The following USP13 variants were observed in gnomAD, a reference collection of about 807,000 sequenced individuals.
USP13 encodes the protein ubiquitin carboxyl-terminal hydrolase 13.
In USP13, 68 loss-of-function variants were observed where a neutral mutation model predicts 107.8. That is an observed-to-expected ratio of 0.63 (90% CI 0.52 to 0.77). The LOEUF (loss-of-function observed/expected upper bound fraction) is 0.77, where lower values mean the gene tolerates loss of function less well. USP13 is among the 30% of genes least tolerant of loss of function. The probability of loss-of-function intolerance (pLI) is 0.00; values close to 1 mark genes in which losing one functional copy is unlikely to be tolerated. For synonymous variants in USP13, 377 were observed against 389.5 expected (o/e 0.97, Z 0.38); for missense variants, 945 against 1,093.3 (o/e 0.86, Z 1.91).
intron 16 of USP13, 40 bp downstream of exon 16, chr3:179,757,118 G>A (rs368742197): frequency 1.2e-6 from 2 of 1,600,540 alleles, no homozygotes; most frequent in East Asian, 2.2e-5. Context: ...TCCTACTGTT[G>A]TTATTAATCT....
chr3:179,669,758 G>T (rs67811992), intron 1 of USP13, among the ~76,000 whole-genome samples: 28,852 of 152,142 alleles, frequency 0.19, 2,917 homozygotes, highest in African/African-American at 0.26. Flanking sequence ...ATTTAAATAT[G>T]CACATGTGGC....
intron 19 of USP13, among the ~76,000 whole-genome samples, chr3:179,766,415 T>C (rs138919768): frequency 4.6e-5 from 7 of 152,318 alleles, no homozygotes; most frequent in African/African-American, 1.7e-4. Context: ...GTCTGTTCCT[T>C]TGAGGTAAAA....
rs1256014029 is a variant in USP13, at chr3:179,742,293, G to T, written c.1477G>T (p.Glu493Ter). Residue 493 changes from glutamate to a stop codon, truncating the protein, a stop_gained, in exon 12 of 21, where the codon GAG (glutamate) becomes TAG (stop). Coordinates refer to ENST00000263966, the MANE Select transcript of USP13 (RefSeq NM_003940.3). LOFTEE classifies it high-confidence loss of function. This position sits in a 1 kb window ranked among gnomAD's most constrained non-coding sequence, Gnocchi z 5.0. ...CCQTRKVRYTERVDYLMQLPV... is the reference protein window; with the variant it reads ...CCQTRKVRYT Reference sequence around the variant, plus strand: ...TCAGACCCGGAAAGTCCGCTACACGGAGAGGGTGGATTACCTGATGCAGTT... The same window carrying T: ...TCAGACCCGGAAAGTCCGCTACACGTAGAGGGTGGATTACCTGATGCAGTT... 6.2e-7 allele frequency: 1 copy of T among 1,614,254 alleles called. No homozygotes were observed. The highest frequency in any genetic ancestry group is 8.5e-7 in the Non-Finnish European group (1 of 1,180,052).
chr3:179,672,591 C>T (rs900246143), intron 1 of USP13, among the ~76,000 whole-genome samples: 1 of 151,990 alleles, frequency 6.6e-6, no homozygotes, highest in Non-Finnish European at 1.5e-5. Flanking sequence ...TACCACTATT[C>T]CCGGCTAATT....
At chr3:179,686,351 G>A (rs1711873284) in intron 2 of USP13, among the ~76,000 whole-genome samples, 1 of 152,348 alleles carries the variant, frequency 6.6e-6, no homozygotes, top group South Asian at 2.1e-4. Context: ...GGAGGCCAAG[G>A]TGGGAGCCTG....
intron 1 of USP13, among the ~76,000 whole-genome samples, chr3:179,659,113 G>A (rs181202575): frequency 1.1e-3 from 172 of 152,266 alleles, no homozygotes; most frequent in African/African-American, 4.0e-3. Context: ...CGGTGATATT[G>A]AGATGTCACT....
In USP13 at chr3:179,730,209, GAAT is replaced by G. The variant is rs1179153203; in HGVS notation, c.1111_1113del (p.Ile371del). 1 of 1,613,484 alleles carries G rather than the reference GAAT, an allele frequency of 6.2e-7. No individual in the cohort carries two copies. Among genetic ancestry groups the G allele is most frequent in the East Asian group, 2.2e-5 (1 of 44,846 alleles). On this transcript the variant is annotated inframe_deletion, in exon 9 of 21. Transcript: ENST00000263966. The stretch of plus-strand genomic sequence containing the variant: ...TCTAGGTATGTAGGAAACCTTCCCA[GAAT>G]ATTTGACTACTCGCCTTTAGATCCA...
At chr3:179,725,292 CA>C (rs1713475337) in intron 8 of USP13, among the ~76,000 whole-genome samples, 1 of 151,464 alleles carries the variant, frequency 6.6e-6, no homozygotes, top group Non-Finnish European at 1.5e-5. Flanking sequence ...TTCATCTTTC[CA>C]GTGAGTTTTT....
At chr3:179,749,686 C>G (rs1417837401) in intron 13 of USP13, among the ~76,000 whole-genome samples, 1 of 152,158 alleles carries the variant, frequency 6.6e-6, no homozygotes, top group Non-Finnish European at 1.5e-5. Flanking sequence ...CCATCTAAAT[C>G]TACTTTCTGG....
In USP13 at chr3:179,730,267, G is replaced by C; in HGVS notation, c.1160+7G>C. ...AAGATTTCAACACACAGATGTAAGTGCCAGATTTGTATTTTTTTTTTTCTA... is the reference window on the plus strand; with the variant it reads ...AAGATTTCAACACACAGATGTAAGTCCCAGATTTGTATTTTTTTTTTTCTA... On this transcript the variant is annotated splice_region_variant and intron_variant, in intron 9 of 20. Transcript: ENST00000263966. 1 of 1,535,480 alleles carries C rather than the reference G, an allele frequency of 6.5e-7. No individual in the cohort carries two copies. Among genetic ancestry groups the C allele is most frequent in the Non-Finnish European group, 8.7e-7 (1 of 1,151,824 alleles).
chr3:179,746,809 C>G (rs1173809697), intron 13 of USP13, among the ~76,000 whole-genome samples: 4 of 152,102 alleles, frequency 2.6e-5, no homozygotes, highest in African/African-American at 9.7e-5. Flanking sequence ...AGGTGATCTG[C>G]CCTCCTCAGC....
At chr3:179,772,616 T>A (rs1211929796) in intron 19 of USP13, among the ~76,000 whole-genome samples, 1 of 152,232 alleles carries the variant, frequency 6.6e-6, no homozygotes, top group African/African-American at 2.4e-5. Context: ...AGACACTTCA[T>A]GCCACTGGTG....
At chr3:179,724,017 G>A (rs569127010) in intron 8 of USP13, among the ~76,000 whole-genome samples, 23 of 151,852 alleles carry the variant, frequency 1.5e-4, no homozygotes, top group African/African-American at 2.2e-4. Flanking sequence ...AAAAATAGCC[G>A]GGCGTGGTGG....
chr3:179,710,872 A>T (rs1459964742), intron 6 of USP13, among the ~76,000 whole-genome samples: 1 of 152,204 alleles, frequency 6.6e-6, no homozygotes, highest in Non-Finnish European at 1.5e-5. Context: ...ATATCTAAAC[A>T]TAGAAAAGAT....
intron 10 of USP13, among the ~76,000 whole-genome samples, chr3:179,733,138 G>A (rs902476778): frequency 6.6e-6 from 1 of 152,148 alleles, no homozygotes; most frequent in East Asian, 1.9e-4. Context: ...GGGACTCTGG[G>A]TATTTGGATT....
chr3:179,678,504 T>C lies in USP13; in HGVS notation c.169-3374T>C, dbSNP rs1711544227. 6.6e-6 allele frequency among the ~76,000 whole-genome samples: 1 copy of C among 151,922 alleles called. No homozygotes were observed. Among genetic ancestry groups the C allele is most frequent in the African/African-American group, 2.4e-5 (1 of 41,348 alleles). Reference sequence around the variant, plus strand: ...TTTTTTTTTTTTGAGACAGGGTCTCTTTCTGTCACCCAGGCTGGATGGCAC... The same window carrying C: ...TTTTTTTTTTTTGAGACAGGGTCTCCTTCTGTCACCCAGGCTGGATGGCAC... On this transcript the variant is annotated intron_variant, in intron 1 of 20. Coordinates refer to ENST00000263966, the MANE Select transcript of USP13 (RefSeq NM_003940.3). This position sits in a 1 kb window ranked among gnomAD's most constrained non-coding sequence, Gnocchi z 4.2.
intron 15 of USP13, among the ~76,000 whole-genome samples, chr3:179,756,740 CAG>C (rs1714816551): frequency 2.0e-5 from 3 of 152,108 alleles, no homozygotes; most frequent in African/African-American, 7.2e-5. Context: ...GTCTGGGCAA[CAG>C]AGTCAGACAC....
At chr3:179,752,188 G>A in intron 13 of USP13, 97 bp from the exon 14 acceptor site, 1 of 1,017,188 alleles carries the variant, frequency 9.8e-7, no homozygotes. Flanking sequence ...CCATTGGAAT[G>A]GCCAGGTGTG....
At chr3:179,744,907 TG>T in intron 12 of USP13, 135 bp from the exon 13 acceptor site, 1 of 1,015,176 alleles carries the variant, frequency 9.9e-7, no homozygotes, top group Non-Finnish European at 1.4e-6. Context: ...CAGGGGCATC[TG>T]GCTCTGTAAA....
Sources: allele counts gnomAD v4.1 joint callset (sites outside exome capture counted in the v4.1 genomes callset), GRCh38; gene constraint gnomAD v4.1.1; non-coding constraint Gnocchi (gnomAD v3.1); transcripts MANE v1.5; gene names NCBI Gene and HGNC (gene_info 2026-07-23, HGNC 2026-07-21).